FOXP1: variants seen among roughly 807,000 people sequenced by gnomAD.
FOXP1 encodes forkhead box P1, also known as forkhead box protein P1.
A neutral mutation model predicts 98.2 loss-of-function variants in FOXP1; 15 were observed. That is an observed-to-expected ratio of 0.15 (90% CI 0.10 to 0.24). The LOEUF is 0.24. Among genes scored for constraint, FOXP1 ranks in the 10% least tolerant of loss-of-function variants. The pLI is 1.00. For missense variants in FOXP1, 633 were observed against 848.5 expected, an observed-to-expected ratio of 0.75 and a Z score of 3.15; for synonymous variants, 371 against 314.5, an observed-to-expected ratio of 1.18 and a Z score of -1.90.
intron 2 of FOXP1, among the ~76,000 whole-genome samples, chr3:71,499,335 G>A (rs1442977219): frequency 1.3e-5 from 2 of 152,120 alleles, no homozygotes; most frequent in African/African-American, 4.8e-5. Context: ...TTATGCAAAA[G>A]TCAAATTCAA....
chr3:71,056,312 T>C (rs994998773), intron 7 of FOXP1, among the ~76,000 whole-genome samples: 2 of 152,202 alleles, frequency 1.3e-5, no homozygotes, highest in Non-Finnish European at 2.9e-5. Flanking sequence ...GGGGGAATCA[T>C]GGAAAGGACT....
chr3:71,260,132 T>C (rs938016046), intron 5 of FOXP1, among the ~76,000 whole-genome samples: 11 of 152,136 alleles, frequency 7.2e-5, no homozygotes, highest in African/African-American at 1.4e-4. Flanking sequence ...TACAGGCACC[T>C]GCCACCACGC....
At chr3:71,485,462 A>G (rs2090576397) in intron 3 of FOXP1, among the ~76,000 whole-genome samples, 1 of 152,192 alleles carries the variant, frequency 6.6e-6, no homozygotes, top group African/African-American at 2.4e-5. Context: ...AACAGGGAGA[A>G]AAAAGTTCCC....
chr3:71,200,979 T>G (rs530252519), intron 5 of FOXP1, among the ~76,000 whole-genome samples: 1 of 152,186 alleles, frequency 6.6e-6, no homozygotes, highest in African/African-American at 2.4e-5. Flanking sequence ...ATTTTTTAAG[T>G]TGATTCAATT....
intron 14 of FOXP1, among the ~76,000 whole-genome samples, chr3:70,986,751 AAAT>A (rs148518420): frequency 0.29 from 43,992 of 151,826 alleles, 7,830 homozygotes; most frequent in East Asian, 0.86. Context: ...ATTTACTGTA[AAAT>A]AATACACGGA....
intron 2 of FOXP1, among the ~76,000 whole-genome samples, chr3:71,549,521 T>C (rs2045611181): frequency 6.6e-6 from 1 of 152,128 alleles, no homozygotes; most frequent in Non-Finnish European, 1.5e-5. Context: ...ATCACAGGCA[T>C]ACACCATCAC....
At chr3:71,046,472 T>C (rs1397098215) in intron 10 of FOXP1, among the ~76,000 whole-genome samples, 5 of 152,224 alleles carry the variant, frequency 3.3e-5, no homozygotes. Context: ...GGTTGATTTC[T>C]ATCGTTTACA....
At chr3:71,374,840 A>G (rs1362573089) in intron 3 of FOXP1, among the ~76,000 whole-genome samples, 2 of 152,194 alleles carry the variant, frequency 1.3e-5, no homozygotes, top group East Asian at 3.9e-4. Context: ...TACTCTCTGA[A>G]CAGATAGGCA....
chr3:71,460,467 C>T (rs531729121), intron 3 of FOXP1, among the ~76,000 whole-genome samples: 1 of 151,624 alleles, frequency 6.6e-6, no homozygotes, highest in Admixed American at 6.6e-5. Context: ...GACAGAGTCT[C>T]ACTCTGTCGC....
chr3:71,126,212 T>C (rs982236348), intron 6 of FOXP1, among the ~76,000 whole-genome samples: 5 of 152,044 alleles, frequency 3.3e-5, no homozygotes, highest in South Asian at 2.1e-4. Flanking sequence ...TGGCCGGGCG[T>C]GGTGGCTCAC....
chr3:71,393,334 G>A (rs1345698592), intron 3 of FOXP1, among the ~76,000 whole-genome samples: 3 of 149,538 alleles, frequency 2.0e-5, no homozygotes, highest in African/African-American at 7.4e-5. Context: ...TTTGTCTCCT[G>A]GTCTTTACAT....
At chr3:70,995,986 A>G (rs1034579617) in intron 13 of FOXP1, among the ~76,000 whole-genome samples, 2 of 152,118 alleles carry the variant, frequency 1.3e-5, no homozygotes, top group African/African-American at 4.8e-5. Flanking sequence ...ATTTTATTTT[A>G]TGATTATTAA....
At chr3:71,045,932 T>C (rs944403290) in intron 10 of FOXP1, among the ~76,000 whole-genome samples, 10 of 152,178 alleles carry the variant, frequency 6.6e-5, no homozygotes, top group African/African-American at 2.2e-4. Context: ...AAGGTACATA[T>C]AAACCAACAT....
At chr3:71,368,105 T>A (rs1375445175) in intron 3 of FOXP1, among the ~76,000 whole-genome samples, 1 of 152,082 alleles carries the variant, frequency 6.6e-6, no homozygotes, top group Non-Finnish European at 1.5e-5. Flanking sequence ...TTGGGATTTA[T>A]TTATTTAATT....
chr3:71,112,491 T>C, intron 7 of FOXP1, 45 bp downstream of exon 7: 1 of 1,429,370 alleles, frequency 7.0e-7, no homozygotes, highest in East Asian at 2.3e-5. Context: ...TTGTCACTTA[T>C]CCCAAAGGGT....
chr3:71,244,608 C>G (rs916948291), intron 5 of FOXP1, among the ~76,000 whole-genome samples: 2 of 152,018 alleles, frequency 1.3e-5, no homozygotes, highest in Non-Finnish European at 2.9e-5. Context: ...GTTGTGGCTG[C>G]CACAGATCGG....
In FOXP1 at chr3:70,957,111, C is replaced by T. The variant is rs946715069; in HGVS notation, c.*2136G>A. On this transcript the variant is annotated 3_prime_UTR_variant, in exon 21 of 21. Coordinates refer to ENST00000649528, the MANE Select transcript of FOXP1 (RefSeq NM_001349338.3). ...GAAGCTTTTCTGTCCTGACTCTAAACTGTCTCCTTTATTGGATACTCTAAT... is the reference window on the plus strand; with the variant it reads ...GAAGCTTTTCTGTCCTGACTCTAAATTGTCTCCTTTATTGGATACTCTAAT... 4.5e-6 allele frequency: 1 copy of T among 221,674 alleles called. No homozygotes were observed. The highest frequency in any genetic ancestry group is 9.0e-6 in the Non-Finnish European group (1 of 110,770). 13.7% of individuals were successfully genotyped at this position (221,674 alleles called of 1,614,324 possible). A position where few individuals can be genotyped will look rare whatever the true frequency, so the allele number is the denominator to read the frequency against.
At chr3:71,095,973 C>CT (rs2056416345) in intron 7 of FOXP1, among the ~76,000 whole-genome samples, 1 of 152,174 alleles carries the variant, frequency 6.6e-6, no homozygotes, top group South Asian at 2.1e-4. Context: ...CTCAATAGGA[C>CT]TTTAAGATTA....
chr3:71,035,815 G>A lies in FOXP1; in HGVS notation c.869+5513C>T, dbSNP rs1276112129. On this transcript the variant is annotated intron_variant, in intron 11 of 20. Coordinates refer to ENST00000649528, the MANE Select transcript of FOXP1 (RefSeq NM_001349338.3). ...TGAGGAAAAACTCTTCAAAATAATGGGAGCTAGAGTTTACTGCTTAAATTT... is the reference window on the plus strand; with the variant it reads ...TGAGGAAAAACTCTTCAAAATAATGAGAGCTAGAGTTTACTGCTTAAATTT... Among the ~76,000 whole-genome samples, 4 of 151,972 alleles carry A rather than the reference G, an allele frequency of 2.6e-5. No homozygotes were observed. The South Asian group carries it at 8.3e-4, about 32-fold the overall frequency.
Sources: gnomAD v4.1 joint callset for allele counts (sites outside exome capture counted in the v4.1 genomes callset) on GRCh38, gnomAD v4.1.1 for gene constraint, MANE v1.5 for transcripts, NCBI Gene and HGNC (gene_info 2026-07-23, HGNC 2026-07-21) for gene names.